The following ACTR6 variants were observed in gnomAD, a reference collection of about 807,000 sequenced individuals.
The protein encoded by ACTR6 is actin related protein 6, also known as actin-related protein 6.
Under a neutral mutation model 52.5 loss-of-function variants are expected in ACTR6, and 50 were observed. That is an observed-to-expected ratio of 0.95 (90% CI 0.76 to 1.20). The LOEUF (loss-of-function observed/expected upper bound fraction) is 1.20, where lower values mean the gene tolerates loss of function less well. ACTR6 is among the 50% of genes most tolerant of loss of function. The probability of loss-of-function intolerance (pLI) is 0.00; values close to 1 mark genes in which losing one functional copy is unlikely to be tolerated. For missense variants in ACTR6, 344 were observed against 472.4 expected (o/e 0.73, Z 2.52); for synonymous variants, 135 against 147.2 (o/e 0.92, Z 0.60).
intron 8 of ACTR6, among the ~76,000 whole-genome samples, chr12:100,216,318 A>C (rs1280108842): frequency 6.6e-6 from 1 of 152,164 alleles, no homozygotes; most frequent in Non-Finnish European, 1.5e-5. Context: ...ACCAAGCCTG[A>C]CTAAGTTTTT....
chr12:100,223,206 T>C (rs1395224338), intron 10 of ACTR6, among the ~76,000 whole-genome samples: 1 of 152,170 alleles, frequency 6.6e-6, no homozygotes, highest in Non-Finnish European at 1.5e-5. Context: ...CCATGTGTGG[T>C]GGCATGTGCC....
At chr12:100,220,463 A>G (rs927398693) in intron 10 of ACTR6, among the ~76,000 whole-genome samples, 1 of 152,274 alleles carries the variant, frequency 6.6e-6, no homozygotes. Flanking sequence ...GTTATTGTCT[A>G]TATGATTTAT....
chr12:100,216,444 G>A (rs963215363), intron 8 of ACTR6, among the ~76,000 whole-genome samples: 2 of 152,240 alleles, frequency 1.3e-5, no homozygotes, highest in African/African-American at 4.8e-5. Context: ...GGTTATAGGC[G>A]TGAGCCAGTG....
chr12:100,222,967 T>A (rs753884079), intron 10 of ACTR6, among the ~76,000 whole-genome samples: 3 of 152,204 alleles, frequency 2.0e-5, no homozygotes, highest in Admixed American at 6.5e-5. Flanking sequence ...GTGAAAACAG[T>A]TCTGAGTTAA....
At chr12:100,209,853 C>T (rs557356754) in intron 4 of ACTR6, among the ~76,000 whole-genome samples, 13 of 152,158 alleles carry the variant, frequency 8.5e-5, no homozygotes, top group South Asian at 6.2e-4. Flanking sequence ...CCTTTAAAAA[C>T]GGATACCAAA....
At chr12:100,205,473 C>A (rs1229259257) in intron 2 of ACTR6, 2 of 338,560 alleles carry the variant, frequency 5.9e-6, no homozygotes, top group East Asian at 5.3e-5. Flanking sequence ...GCACATGTAT[C>A]CCAGAATTTA....
Position 100,218,428 on chromosome 12 carries a change from T to C in ACTR6, c.764T>C (p.Met255Thr). ...KKGFCKPREE[M>T]VLSGKYKSGE... is the part of the protein sequence containing the mutation. ...TTTGTCTTTAAGCCAAGGGAAGAGA[T>C]GGTGTTGAGTGGAAAATACAAATCT... is the stretch of plus-strand genomic sequence containing the variant. Residue 255 changes from methionine to threonine, a missense_variant, in exon 9 of 11, where the codon ATG (methionine) becomes ACG (threonine). By Grantham distance (81) the Met-to-Thr change is moderately conservative. Transcript: ENST00000188312. This position sits in a 1 kb window ranked among gnomAD's most constrained non-coding sequence, Gnocchi z 4.2. The C allele has an allele frequency of 6.2e-7, 1 of 1,609,566 alleles. No individual in the cohort carries two copies. The highest frequency in any genetic ancestry group is 1.1e-5 in the South Asian group (1 of 90,566).
At chr12:100,207,958 G>T (rs1031659604) in intron 4 of ACTR6, 172 bp downstream of exon 4, 1 of 612,774 alleles carries the variant, frequency 1.6e-6, no homozygotes, top group African/African-American at 1.8e-5. Context: ...TTTAGGATTT[G>T]AGATCAGCCT....
chr12:100,213,934 T>C (rs1448061249), intron 8 of ACTR6, among the ~76,000 whole-genome samples: 3 of 152,198 alleles, frequency 2.0e-5, no homozygotes, highest in Non-Finnish European at 4.4e-5. Flanking sequence ...TGCAGTGTAC[T>C]TTAAAATAAT....
chr12:100,202,389 C>G (rs2096110487), intron 1 of ACTR6, among the ~76,000 whole-genome samples: 2 of 152,164 alleles, frequency 1.3e-5, no homozygotes, highest in South Asian at 4.1e-4. Flanking sequence ...AGACTGATAA[C>G]AAATTCAAGC....
At chr12:100,207,253 A>G (rs148218282) in intron 3 of ACTR6, among the ~76,000 whole-genome samples, 2 of 151,922 alleles carry the variant, frequency 1.3e-5, no homozygotes, top group East Asian at 3.9e-4. Context: ...TTTTTTTAGT[A>G]GAGGTGGGGT....
intron 8 of ACTR6, among the ~76,000 whole-genome samples, chr12:100,217,653 A>C (rs968029892): frequency 6.6e-6 from 1 of 152,234 alleles, no homozygotes; most frequent in Non-Finnish European, 1.5e-5. Flanking sequence ...TGTTATACAT[A>C]GGCCTCATAT....
At chr12:100,208,555 A>G (rs2096117002) in intron 4 of ACTR6, among the ~76,000 whole-genome samples, 1 of 152,328 alleles carries the variant, frequency 6.6e-6, no homozygotes, top group South Asian at 2.1e-4. Flanking sequence ...GATTACAGGC[A>G]TGAGCCACTG....
intron 10 of ACTR6, 42 bp from the exon 11 acceptor site, chr12:100,223,744 T>A (rs2096130109): frequency 3.2e-6 from 5 of 1,575,000 alleles, no homozygotes; most frequent in Non-Finnish European, 3.4e-6. Context: ...ATTTCAGTTT[T>A]CCTGTAAAAT....
At chr12:100,220,189 T>A (rs1416366684) in intron 10 of ACTR6, 43 bp downstream of exon 10, 3 of 1,570,180 alleles carry the variant, frequency 1.9e-6, no homozygotes, top group Non-Finnish European at 8.7e-7. Flanking sequence ...GAAGTCCACA[T>A]GTAGAAAAGG....
intron 6 of ACTR6, among the ~76,000 whole-genome samples, chr12:100,211,332 G>GT (rs2096119741): frequency 6.6e-6 from 1 of 152,166 alleles, no homozygotes; most frequent in South Asian, 2.1e-4. Flanking sequence ...GAGTGCAGTG[G>GT]TTTGTTCATT....
intron 4 of ACTR6, among the ~76,000 whole-genome samples, chr12:100,209,587 A>G (rs1182947873): frequency 1.3e-5 from 2 of 152,170 alleles, no homozygotes; most frequent in South Asian, 2.1e-4. Flanking sequence ...CCAACCCCCA[A>G]TGTCAATAGT....
intron 1 of ACTR6, 112 bp from the exon 2 acceptor site, chr12:100,204,828 A>G: frequency 1.5e-6 from 1 of 686,984 alleles, no homozygotes; most frequent in Non-Finnish European, 2.6e-6. Flanking sequence ...GAAACACTGG[A>G]TATACCAATC....
Position 100,223,955 on chromosome 12 carries a change from T to C in ACTR6, c.*40T>C, listed in dbSNP as rs768769205. 1.3e-6 allele frequency: 2 copies of C among 1,577,838 alleles called. No individual in the cohort carries two copies. The highest frequency in any genetic ancestry group is 2.3e-5 in the South Asian group (2 of 85,206). On this transcript the variant is annotated 3_prime_UTR_variant, in exon 11 of 11. Coordinates refer to ENST00000188312, the MANE Select transcript of ACTR6 (RefSeq NM_022496.5). ...TGAAAGTTGTGACCATAAGGTTTAA[T>C]TTCAAAGTTCCTTTTAAAAGAGGTT... is the stretch of plus-strand genomic sequence containing the variant.
Sources: gnomAD v4.1 joint callset for allele counts (sites outside exome capture counted in the v4.1 genomes callset) on GRCh38, gnomAD v4.1.1 for gene constraint, Gnocchi (gnomAD v3.1) non-coding constraint, MANE v1.5 for transcripts, NCBI Gene and HGNC (gene_info 2026-07-23, HGNC 2026-07-21) for gene names.